The following STXBP5 variants were observed in gnomAD, a reference collection of about 807,000 sequenced individuals.
STXBP5 encodes syntaxin-binding protein 5.
A neutral mutation model predicts 152.4 loss-of-function variants in STXBP5; 50 were observed. The ratio of observed to expected loss-of-function variants is 0.33; its 90% CI spans 0.26 to 0.42. The LOEUF is 0.42. Ranked by LOEUF, STXBP5 falls within the 10% of genes least tolerant of loss-of-function variation. STXBP5 has a pLI of 1.00. For synonymous variants in STXBP5, 492 were observed against 494.7 expected (o/e 0.99, Z 0.07); for missense variants, 1,167 against 1,388.6 (o/e 0.84, Z 2.54).
At chr6:147,347,223 TAGAA>T (rs1176153465) in intron 21 of STXBP5, among the ~76,000 whole-genome samples, 4 of 152,148 alleles carry the variant, frequency 2.6e-5, no homozygotes, top group African/African-American at 2.4e-5. Context: ...GCCAAGTTAA[TAGAA>T]GGAATAAAAT....
chr6:147,386,159 A>T lies in STXBP5; in HGVS notation c.*1404A>T, dbSNP rs955759553. The T allele has an allele frequency of 6.6e-6, 1 of 152,034 alleles. No homozygotes were observed. The highest frequency in any genetic ancestry group is 1.5e-5 in the Non-Finnish European group (1 of 67,934). The allele number at this position is 152,034 out of a possible 1,614,324, so 9.4% of individuals were successfully genotyped here. ...TCAGAATACAGACTAATCTGAGATT[A>T]TTATTGATTGTTGTTAAAGCAACCC... On this transcript the variant is annotated 3_prime_UTR_variant, in exon 28 of 28. Transcript: ENST00000321680.
chr6:147,313,852 TAATA>T, intron 11 of STXBP5, 28 bp from the exon 12 acceptor site: 1 of 1,393,892 alleles, frequency 7.2e-7, no homozygotes, highest in East Asian at 2.4e-5. Flanking sequence ...TTCATTAAAT[TAATA>T]AATACTTTTC....
At chr6:147,380,594 G>A (rs761636529) in intron 26 of STXBP5, among the ~76,000 whole-genome samples, 21 of 151,692 alleles carry the variant, frequency 1.4e-4, no homozygotes, top group Non-Finnish European at 2.8e-4. Flanking sequence ...TGTAACCTTG[G>A]ATTAGGCAGT....
chr6:147,288,458 G>A (rs188061807), intron 8 of STXBP5, among the ~76,000 whole-genome samples: 19 of 152,234 alleles, frequency 1.2e-4, no homozygotes, highest in South Asian at 2.1e-4. Context: ...CCCTGTCCCC[G>A]AACCCCTCAT....
intron 2 of STXBP5, among the ~76,000 whole-genome samples, chr6:147,212,955 T>G (rs1776935450): frequency 6.6e-6 from 1 of 152,196 alleles, no homozygotes; most frequent in Admixed American, 6.5e-5. Context: ...CTTCCTTGGT[T>G]GTTAAATGTC....
intron 9 of STXBP5, chr6:147,293,077 C>G (rs1781357455): frequency 6.6e-6 from 1 of 152,000 alleles, no homozygotes; most frequent in East Asian, 1.9e-4. Flanking sequence ...TTACAGTTGC[C>G]TACAATACTT....
At chr6:147,260,184 G>A (rs1779575678) in intron 4 of STXBP5, among the ~76,000 whole-genome samples, 1 of 152,166 alleles carries the variant, frequency 6.6e-6, no homozygotes, top group African/African-American at 2.4e-5. Flanking sequence ...AAATATCAAG[G>A]AGGTGCATTT....
chr6:147,329,616 G>GTTTTTT (rs1783452402), intron 18 of STXBP5, among the ~76,000 whole-genome samples: 3 of 48,218 alleles, frequency 6.2e-5, no homozygotes, highest in Non-Finnish European at 7.6e-5. Flanking sequence ...TGTTCTTCAG[G>GTTTTTT]CTTTTTTTTT....
At chr6:147,306,139 C>T (rs1024217575) in intron 9 of STXBP5, among the ~76,000 whole-genome samples, 1 of 152,196 alleles carries the variant, frequency 6.6e-6, no homozygotes, top group African/African-American at 2.4e-5. Context: ...AAATCCTGGG[C>T]CCCATGCTCC....
intron 21 of STXBP5, among the ~76,000 whole-genome samples, chr6:147,348,011 A>G (rs1402330160): frequency 6.6e-6 from 1 of 152,228 alleles, no homozygotes; most frequent in African/African-American, 2.4e-5. Flanking sequence ...TATAATAAGA[A>G]TGAATTATTT....
At chr6:147,355,632 C>CCA (rs1784782855) in intron 22 of STXBP5, among the ~76,000 whole-genome samples, 1 of 152,098 alleles carries the variant, frequency 6.6e-6, no homozygotes, top group African/African-American at 2.4e-5. Flanking sequence ...TCTGACTCTA[C>CCA]CACATACTAG....
intron 2 of STXBP5, among the ~76,000 whole-genome samples, chr6:147,221,684 G>T (rs1179675640): frequency 6.6e-6 from 1 of 150,532 alleles, no homozygotes; most frequent in Non-Finnish European, 1.5e-5. Flanking sequence ...CTTCTTTCAA[G>T]ATTTTTTTTT....
chr6:147,253,845 A>G (rs1297521390), intron 4 of STXBP5, among the ~76,000 whole-genome samples: 2 of 152,244 alleles, frequency 1.3e-5, no homozygotes, highest in Admixed American at 1.3e-4. Context: ...GGAAGAATCA[A>G]TATCGTGAAA....
chr6:147,354,234 A>G (rs1409274196), intron 22 of STXBP5, among the ~76,000 whole-genome samples: 1 of 152,176 alleles, frequency 6.6e-6, no homozygotes, highest in Non-Finnish European at 1.5e-5. Flanking sequence ...CCATTTAAAC[A>G]TACTAATTTT....
In STXBP5 at chr6:147,216,953, A is replaced by G. The variant is rs368620059; in HGVS notation, c.248+10885A>G. ...GTTTTAAACAATTGGAGGTGTTTTA[A>G]TAATAGTGTTTGGTCTTGTTTTTTA... On this transcript the variant is annotated intron_variant, in intron 2 of 27. Coordinates refer to ENST00000321680, the MANE Select transcript of STXBP5 (RefSeq NM_001127715.4). 2.0e-5 allele frequency among the ~76,000 whole-genome samples: 3 copies of G among 152,232 alleles called. No individual in the cohort carries two copies. The East Asian group carries it at 5.8e-4, about 29-fold the overall frequency.
chr6:147,347,980 T>C (rs1366750786), intron 21 of STXBP5, among the ~76,000 whole-genome samples: 1 of 152,242 alleles, frequency 6.6e-6, no homozygotes, highest in Non-Finnish European at 1.5e-5. Flanking sequence ...ATGTATACTT[T>C]TCTGTATTAT....
intron 4 of STXBP5, among the ~76,000 whole-genome samples, chr6:147,246,063 C>T (rs899006316): frequency 3.3e-5 from 5 of 152,128 alleles, no homozygotes; most frequent in Non-Finnish European, 7.3e-5. Flanking sequence ...ATTGGTGAGC[C>T]TTGTTAATAT....
chr6:147,239,347 G>T, intron 4 of STXBP5, 77 bp downstream of exon 4: 1 of 1,258,518 alleles, frequency 7.9e-7, no homozygotes. Flanking sequence ...TTGATTTTTT[G>T]TGTGTGATGG....
chr6:147,373,684 T>G (rs1431578896), intron 25 of STXBP5, 47 bp from the exon 26 acceptor site: 1 of 1,393,228 alleles, frequency 7.2e-7, no homozygotes, highest in Admixed American at 1.7e-5. Context: ...CATTATAGTT[T>G]AGTTTCCCTG....
Sources: gnomAD v4.1 joint callset for allele counts (sites outside exome capture counted in the v4.1 genomes callset) on GRCh38, gnomAD v4.1.1 for gene constraint, MANE v1.5 for transcripts, NCBI Gene and HGNC (gene_info 2026-07-23, HGNC 2026-07-21) for gene names.